Variants in SEC24D observed in about 807,000 individuals in gnomAD.
SEC24D encodes protein transport protein Sec24D.
A neutral mutation model predicts 116.9 loss-of-function variants in SEC24D; 69 were observed. The observed-to-expected ratio is 0.59, with a 90% CI of 0.49 to 0.72. The LOEUF is 0.72. Ranked by LOEUF, SEC24D falls within the 30% of genes least tolerant of loss-of-function variation. The pLI is 0.00. For missense variants in SEC24D, 1,131 were observed against 1,264.1 expected, an observed-to-expected ratio of 0.89 and a Z score of 1.60; for synonymous variants, 405 against 442.8, an observed-to-expected ratio of 0.91 and a Z score of 1.07.
At chr4:118,742,110 A>G (rs1726249425) in intron 15 of SEC24D, among the ~76,000 whole-genome samples, 1 of 152,218 alleles carries the variant, frequency 6.6e-6, no homozygotes, top group African/African-American at 2.4e-5. Flanking sequence ...ACACTGAGGT[A>G]CAAGTAAATA....
intron 8 of SEC24D, among the ~76,000 whole-genome samples, chr4:118,790,884 C>A (rs1728867606): frequency 6.8e-6 from 1 of 146,840 alleles, no homozygotes; most frequent in Non-Finnish European, 1.5e-5. Context: ...GTAATGATGG[C>A]AATACTAGAT....
In SEC24D at chr4:118,728,922, C is replaced by T. The variant is rs529302166; in HGVS notation, c.2869-272G>A. 15 of 296,668 alleles carry T rather than the reference C, an allele frequency of 5.1e-5. No homozygotes were observed. The Middle Eastern group carries it at 3.2e-3, about 63-fold the overall frequency. 18.4% of individuals were successfully genotyped at this position (296,668 alleles called of 1,614,324 possible). ...CATCACTGAAATGATACAGCACAGA[C>T]GTAGTCAGCCCTCTGTATCCATGGG... On this transcript the variant is annotated intron_variant, in intron 21 of 22. Transcript: ENST00000280551.
At position 118,775,294 on chromosome 4, in the gene SEC24D, C is replaced by T. The variant is rs574183735; in HGVS notation, c.1042-6983G>A. ...ATGAAAAAACACAACAGCTCAGGTA[C>T]CCACAAATATACGCTCAGGATAACT... is the stretch of plus-strand genomic sequence containing the variant. On this transcript the variant is annotated intron_variant, in intron 8 of 22. Coordinates refer to ENST00000280551, the MANE Select transcript of SEC24D (RefSeq NM_014822.4). Among the ~76,000 whole-genome samples the T allele has an allele frequency of 2.7e-5, 4 of 149,982 alleles. No individual in the cohort carries two copies. In the South Asian group the frequency reaches 6.3e-4, roughly 24 times the overall value.
intron 21 of SEC24D, 53 bp from the exon 22 acceptor site, chr4:118,728,703 A>C (rs1725533116): frequency 9.5e-7 from 1 of 1,049,106 alleles, no homozygotes; most frequent in East Asian, 2.4e-5. Flanking sequence ...TTTAGATAGA[A>C]GTAGCAATAT....
chr4:118,775,877 C>A lies in SEC24D; in HGVS notation c.1042-7566G>T, dbSNP rs578092643. On this transcript the variant is annotated intron_variant, in intron 8 of 22. Coordinates refer to ENST00000280551, the MANE Select transcript of SEC24D (RefSeq NM_014822.4). ...TCATCATCTCATATTTCACTCAATT[C>A]ATTAAATTTTGGGTTTATGTTTAAA... Among the ~76,000 whole-genome samples, 6 of 152,210 alleles carry A rather than the reference C, an allele frequency of 3.9e-5. No homozygotes were observed. In the South Asian group the frequency reaches 1.2e-3, roughly 32 times the overall value.
chr4:118,803,812 C>T (rs1180129848), intron 7 of SEC24D, among the ~76,000 whole-genome samples: 2 of 151,970 alleles, frequency 1.3e-5, no homozygotes, highest in East Asian at 1.9e-4. Context: ...GATATTAATG[C>T]CTATCTCGTA....
intron 22 of SEC24D, among the ~76,000 whole-genome samples, chr4:118,725,653 A>G (rs536647653): frequency 1.3e-5 from 2 of 152,102 alleles, no homozygotes; most frequent in Non-Finnish European, 2.9e-5. Context: ...TCATTGTACA[A>G]CCTCCTCTGA....
rs193163880 is a variant in SEC24D, at chr4:118,723,540, T to C, written c.3074A>G (p.Lys1025Arg). 1.1e-5 allele frequency: 17 copies of C among 1,613,448 alleles called. No individual in the cohort carries two copies. In the Admixed American group the frequency reaches 2.5e-4, roughly 24 times the overall value. The change falls in exon 23 of 23, where the codon AAG (lysine) becomes AGG (arginine). Residue 1025 changes from lysine to arginine, a missense_variant. By Grantham distance (26) the Lys-to-Arg change is conservative. Coordinates refer to ENST00000280551, the MANE Select transcript of SEC24D (RefSeq NM_014822.4). ...TTAATTAAGCAGCTGACAGATCTCC[T>C]TGTGAACACAACAAAGGAAATCCAC... is the stretch of plus-strand genomic sequence containing the variant. ...SYVDFLCCVH[K>R]EICQLLN
intron 8 of SEC24D, among the ~76,000 whole-genome samples, chr4:118,788,895 C>G (rs1028911741): frequency 4.6e-5 from 7 of 152,156 alleles, no homozygotes; most frequent in Non-Finnish European, 1.5e-5. Flanking sequence ...GTCTCTACAA[C>G]CCTGAGAAGA....
chr4:118,823,479 A>G (rs985210159), intron 3 of SEC24D, among the ~76,000 whole-genome samples: 6 of 152,312 alleles, frequency 3.9e-5, no homozygotes, highest in Admixed American at 1.3e-4. Flanking sequence ...TCTAGGGGGT[A>G]CTGCCCATGC....
intron 13 of SEC24D, among the ~76,000 whole-genome samples, chr4:118,751,176 CT>C (rs1185148886): frequency 2.5e-3 from 254 of 100,328 alleles, no homozygotes; most frequent in African/African-American, 6.4e-3. Flanking sequence ...AGAGTGAGGG[CT>C]TTTTTTTTTT....
Position 118,768,288 on chromosome 4 carries a change from G to A in SEC24D, c.1065C>T (p.His355=), listed in dbSNP as rs139239334. Reference sequence around the variant, plus strand: ...TGCATCTGACTGGTCCACTCTCGCCGTGATTTACCAAGTAAAGGGGACTCT... The same window carrying A: ...TGCATCTGACTGGTCCACTCTCGCCATGATTTACCAAGTAAAGGGGACTCT... The part of the protein sequence containing the change: ...SNESPLYLVN[H]GESGPVRCNR... The change falls in exon 9 of 23, where the codon CAC becomes CAT. Residue 355 remains histidine, a synonymous_variant. Coordinates refer to ENST00000280551, the MANE Select transcript of SEC24D (RefSeq NM_014822.4). 244 of 1,613,484 alleles carry A rather than the reference G, an allele frequency of 1.5e-4. 1 individual carries two copies. Among genetic ancestry groups the A allele is most frequent in the South Asian group, 9.9e-4 (90 of 91,010 alleles).
In SEC24D at chr4:118,743,970, CA is replaced by C. The variant is rs754730163; in HGVS notation, c.1995+17del. ...AATGGGAGTAGAAGACCAAGGTGAACAAATTGCTGGCATTTACCTGGAAATT... is the reference window on the plus strand; with the variant it reads ...AATGGGAGTAGAAGACCAAGGTGAACAATTGCTGGCATTTACCTGGAAATT... On this transcript the variant is annotated intron_variant, in intron 15 of 22. Transcript: ENST00000280551. The C allele has an allele frequency of 1.3e-6, 2 of 1,587,020 alleles. No individual in the cohort carries two copies. Among genetic ancestry groups the C allele is most frequent in the South Asian group, 2.3e-5 (2 of 86,870 alleles).
chr4:118,788,112 C>A (rs969452625), intron 8 of SEC24D, among the ~76,000 whole-genome samples: 1 of 152,204 alleles, frequency 6.6e-6, no homozygotes, highest in Non-Finnish European at 1.5e-5. Flanking sequence ...AGCCATCATG[C>A]CTGGCCATGT....
At chr4:118,783,226 G>A (rs895810838) in intron 8 of SEC24D, among the ~76,000 whole-genome samples, 4 of 152,146 alleles carry the variant, frequency 2.6e-5, no homozygotes, top group Admixed American at 6.5e-5. Flanking sequence ...GTTCCTATTC[G>A]ACCATCTTGG....
chr4:118,727,471 TGCTTA>T (rs1184909945), intron 22 of SEC24D, among the ~76,000 whole-genome samples: 2 of 152,146 alleles, frequency 1.3e-5, no homozygotes, highest in African/African-American at 2.4e-5. Flanking sequence ...ATGATCTCCA[TGCTTA>T]GTCTTGCCTC....
chr4:118,792,832 T>C (rs1728990987), intron 8 of SEC24D, among the ~76,000 whole-genome samples: 1 of 152,148 alleles, frequency 6.6e-6, no homozygotes, highest in South Asian at 2.1e-4. Flanking sequence ...CCCTCCACTA[T>C]TGTCCTATGA....
At chr4:118,784,739 GC>G (rs35053926) in intron 8 of SEC24D, among the ~76,000 whole-genome samples, 42,787 of 132,006 alleles carry the variant, frequency 0.32, 6,599 homozygotes, top group Non-Finnish European at 0.37. Context: ...ATCCTTCCCT[GC>G]CCCCCCCCCC....
At chr4:118,773,722 G>T (rs1304111880) in intron 8 of SEC24D, among the ~76,000 whole-genome samples, 1 of 152,216 alleles carries the variant, frequency 6.6e-6, no homozygotes, top group Non-Finnish European at 1.5e-5. Context: ...AGGCGAAAAG[G>T]AAAAGAGTCT....
Sources: gnomAD v4.1 joint callset for allele counts (sites outside exome capture counted in the v4.1 genomes callset) on GRCh38, gnomAD v4.1.1 for gene constraint, MANE v1.5 for transcripts, NCBI Gene and HGNC (gene_info 2026-07-23, HGNC 2026-07-21) for gene names.